The following STAT2 variants were observed in gnomAD, a reference collection of about 807,000 sequenced individuals.
STAT2 encodes the protein interferon alpha induced transcriptional activator.
Under a neutral mutation model 122.3 loss-of-function variants are expected in STAT2, and 51 were observed. The ratio of observed to expected loss-of-function variants is 0.42; its 90% CI spans 0.33 to 0.53. The LOEUF (loss-of-function observed/expected upper bound fraction) is 0.53. STAT2 is among the 20% of genes least tolerant of loss of function. The pLI is 0.10. For missense variants in STAT2, 736 were observed against 1,010.3 expected, an observed-to-expected ratio of 0.73 and a Z score of 3.68; for synonymous variants, 351 against 394.9, an observed-to-expected ratio of 0.89 and a Z score of 1.32.
intron 8 of STAT2, 96 bp downstream of exon 8, chr12:56,354,370 A>G: frequency 6.4e-7 from 1 of 1,565,974 alleles, no homozygotes; most frequent in South Asian, 1.2e-5. Flanking sequence ...GGGAGCAGAG[A>G]CAAATAGAGA....
intron 8 of STAT2, among the ~76,000 whole-genome samples, chr12:56,354,040 TA>T (rs760881337): frequency 1.9e-5 from 1 of 53,346 alleles, no homozygotes; most frequent in Non-Finnish European, 4.1e-5. Flanking sequence ...TATATATATA[TA>T]AAAAATACTG....
At chr12:56,348,435 C>T (rs1055262800) in intron 19 of STAT2, 94 bp downstream of exon 19, 1 of 1,324,350 alleles carries the variant, frequency 7.6e-7, no homozygotes, top group Non-Finnish European at 1.1e-6. Flanking sequence ...CCTGTCTTTG[C>T]TCTCTCTCCC....
At position 56,349,008 on chromosome 12, in the gene STAT2, G is replaced by C. The variant is rs200417427; in HGVS notation, c.1492C>G (p.Pro498Ala). The C allele has an allele frequency of 6.2e-6, 10 of 1,613,820 alleles. No homozygotes were observed. Among genetic ancestry groups the C allele is most frequent in the Non-Finnish European group, 8.5e-6 (10 of 1,179,978 alleles). ...PPKAPWSLLGPALSWQFSSYV... is the reference protein window; with the variant it reads ...PPKAPWSLLGAALSWQFSSYV... ...GAGGAGAACTGCCAACTGAGAGCAG[G>C]GCCCAGCAAGCTCCAGGGGGCCTTG... Residue 498 changes from proline (P) to alanine (A), a missense_variant, in exon 17 of 24, where the codon CCT becomes GCT. By Grantham distance (27) the Pro-to-Ala change is conservative (BLOSUM62 -1). Transcript: ENST00000314128.
rs754643796 is a variant in STAT2, at chr12:56,349,072, G to A, written c.1441-13C>T. The A allele has an allele frequency of 1.2e-6, 2 of 1,613,208 alleles. No homozygotes were observed. Among genetic ancestry groups the A allele is most frequent in the Non-Finnish European group, 8.5e-7 (1 of 1,179,436 alleles). ...AGAACTGCTGGTTCTGCAGGGGTGGGAGCAGTGTAGGCTGGCTCAGAAGCA... is the reference window on the plus strand; with the variant it reads ...AGAACTGCTGGTTCTGCAGGGGTGGAAGCAGTGTAGGCTGGCTCAGAAGCA... On this transcript the variant is annotated splice_polypyrimidine_tract_variant and intron_variant, in intron 16 of 23. Coordinates refer to ENST00000314128, the MANE Select transcript of STAT2 (RefSeq NM_005419.4).
In STAT2 at chr12:56,350,413, C is replaced by T. The variant is rs772484617; in HGVS notation, c.1114G>A (p.Gly372Ser). 2 of 1,606,676 alleles carry T rather than the reference C, an allele frequency of 1.2e-6. No homozygotes were observed. The highest frequency in any genetic ancestry group is 3.3e-4 in the Middle Eastern group (2 of 6,010). ...GCAGTGTCCTTGTCAAGCACCTACC[C>T]TTGTAATTGAGGAGGATTCCTGAAA... is the stretch of plus-strand genomic sequence containing the variant. ...SIDRNPPQLQ[G>S]FRKFNILTSN... Residue 372 changes from glycine (G) to serine (S), a missense_variant and splice_region_variant, in exon 12 of 24, where the codon GGC becomes AGC. Gly to Ser is a moderately conservative substitution (Grantham distance 56). Transcript: ENST00000314128.
chr12:56,356,588 A>G lies in STAT2; in HGVS notation c.-7-10T>C, dbSNP rs1370775376. On this transcript the variant is annotated splice_polypyrimidine_tract_variant and intron_variant, in intron 1 of 23. Transcript: ENST00000314128. ...CTGCGCCATTTGGGCTCTGCGTCAGAAGGATGAGGGTTCCCAATTGGATAT... is the reference window on the plus strand; with the variant it reads ...CTGCGCCATTTGGGCTCTGCGTCAGGAGGATGAGGGTTCCCAATTGGATAT... 1 of 1,613,960 alleles carries G rather than the reference A, an allele frequency of 6.2e-7. No individual in the cohort carries two copies. The highest frequency in any genetic ancestry group is 1.7e-5 in the Admixed American group (1 of 60,012).
chr12:56,353,622 T>G (rs565261865), intron 8 of STAT2, among the ~76,000 whole-genome samples: 109 of 152,002 alleles, frequency 7.2e-4, no homozygotes, highest in Non-Finnish European at 1.2e-3. Flanking sequence ...TAGCTGAAAA[T>G]AGGAGTTCAT....
rs1876843692 is a variant in STAT2, at chr12:56,343,310, C to G, written c.*79G>C. On this transcript the variant is annotated 3_prime_UTR_variant, in exon 24 of 24. Coordinates refer to ENST00000314128, the MANE Select transcript of STAT2 (RefSeq NM_005419.4). ...GCTTGGAAGGGACACATGCCTGATT[C>G]CCATCCTTGGAGAACAATATCATGC... 1 of 1,549,920 alleles carries G rather than the reference C, an allele frequency of 6.5e-7. No individual in the cohort carries two copies. The highest frequency in any genetic ancestry group is 1.9e-5 in the Admixed American group (1 of 53,788).
Position 56,342,979 on chromosome 12 carries a change from T to C in STAT2, c.*410A>G, listed in dbSNP as rs1294105462. The C allele has an allele frequency of 1.2e-5, 2 of 162,932 alleles. No homozygotes were observed. The highest frequency in any genetic ancestry group is 3.5e-4 in the East Asian group (2 of 5,660). The allele number at this position is 162,932 out of a possible 1,614,324, so 10.1% of individuals were successfully genotyped here. ...GAAAGAAATGGAGTCCTATCCTGTG[T>C]CTGTGCTCCCCACCAAGGGCCAATG... On this transcript the variant is annotated 3_prime_UTR_variant, in exon 24 of 24. Transcript: ENST00000314128.
intron 8 of STAT2, among the ~76,000 whole-genome samples, chr12:56,354,200 T>A (rs1421606682): frequency 2.7e-5 from 4 of 147,676 alleles, no homozygotes; most frequent in South Asian, 2.2e-4. Flanking sequence ...AAAAAAAAAA[T>A]ACATATATAT....
At chr12:56,356,058 T>A in intron 3 of STAT2, 74 bp downstream of exon 3, 1 of 1,559,226 alleles carries the variant, frequency 6.4e-7, no homozygotes. Flanking sequence ...CCAGGTACTA[T>A]TCTATTCTCC....
intron 1 of STAT2, among the ~76,000 whole-genome samples, chr12:56,357,945 G>A (rs1032457754): frequency 6.6e-6 from 1 of 151,716 alleles, no homozygotes; most frequent in African/African-American, 2.4e-5. Context: ...CAAGTAATCC[G>A]CCTGCCTCAG....
chr12:56,345,788 GAA>G (rs963436603), intron 22 of STAT2, among the ~76,000 whole-genome samples: 3 of 140,872 alleles, frequency 2.1e-5, no homozygotes, highest in Admixed American at 7.1e-5. Context: ...ACCCTGTCTG[GAA>G]AAAAAAAAAG....
intron 22 of STAT2, among the ~76,000 whole-genome samples, chr12:56,345,524 A>AAAAAAATATATATATATATATATAT (rs1555169410): frequency 3.8e-5 from 1 of 26,248 alleles, no homozygotes; most frequent in African/African-American, 5.3e-4. Flanking sequence ...AAAAAAAAAA[A>AAAAAAATATATATATATATATATAT]ATATATATAT....
intron 12 of STAT2, 59 bp from the exon 13 acceptor site, chr12:56,350,249 GA>G (rs371087558): frequency 1.7e-3 from 2,034 of 1,198,178 alleles, no homozygotes; most frequent in Non-Finnish European, 2.0e-3. Flanking sequence ...AAACTCAGCA[GA>G]AAAAAAAAAA....
chr12:56,356,944 G>A (rs1435530836), intron 1 of STAT2, among the ~76,000 whole-genome samples: 1 of 149,538 alleles, frequency 6.7e-6, no homozygotes, highest in Non-Finnish European at 1.5e-5. Context: ...CTAACTTTTT[G>A]AGCACCCACA....
At chr12:56,353,277 C>T (rs1404916594) in intron 8 of STAT2, among the ~76,000 whole-genome samples, 2 of 152,080 alleles carry the variant, frequency 1.3e-5, no homozygotes, top group Admixed American at 6.6e-5. Context: ...CCACTGTGTC[C>T]GGACATGCCT....
intron 4 of STAT2, 69 bp from the exon 5 acceptor site, chr12:56,355,601 T>C (rs1879380759): frequency 6.3e-7 from 1 of 1,597,022 alleles, no homozygotes. Context: ...CCTGAAATTA[T>C]ACCACAGGAT....
chr12:56,346,976 G>A (rs1335303013), intron 19 of STAT2, 21 bp from the exon 20 acceptor site: 1 of 1,613,468 alleles, frequency 6.2e-7, no homozygotes, highest in Middle Eastern at 1.7e-4. Context: ...GAGAGCAGCT[G>A]TGAGACACCG....
Sources: gnomAD v4.1 joint callset for allele counts (sites outside exome capture counted in the v4.1 genomes callset) on GRCh38, gnomAD v4.1.1 for gene constraint, MANE v1.5 for transcripts, NCBI Gene and HGNC (gene_info 2026-07-23, HGNC 2026-07-21) for gene names.